Variants in WRN observed in about 807,000 individuals in gnomAD.
WRN encodes WRN RecQ like helicase, also known as bifunctional 3'-5' exonuclease/ATP-dependent helicase WRN.
WRN carries 149 observed loss-of-function variants against 180.7 expected under a neutral mutation model. The ratio of observed to expected loss-of-function variants is 0.82; its 90% CI spans 0.72 to 0.94. The LOEUF (loss-of-function observed/expected upper bound fraction) is 0.94, where lower values mean the gene tolerates loss of function less well. Ranked by LOEUF, WRN falls within the 40% of genes least tolerant of loss-of-function variation. The probability of loss-of-function intolerance (pLI) is 0.00; values close to 1 mark genes in which losing one functional copy is unlikely to be tolerated. For synonymous variants in WRN, 548 were observed against 568.9 expected, an observed-to-expected ratio of 0.96 and a Z score of 0.52; for missense variants, 1,661 against 1,700.1, an observed-to-expected ratio of 0.98 and a Z score of 0.40.
At chr8:31,088,778 C>T in intron 12 of WRN, 112 bp from the exon 13 acceptor site, 4 of 868,708 alleles carry the variant, frequency 4.6e-6, no homozygotes, top group Non-Finnish European at 1.9e-6. Context: ...AACATTAACC[C>T]ATGGTAGCTG....
rs1294260404 is a variant in WRN at position 31,111,750 on chromosome 8, A to C, written c.2224A>C (p.Lys742Gln). 17 of 1,614,042 alleles carry C rather than the reference A, an allele frequency of 1.1e-5. No homozygotes were observed. Among genetic ancestry groups the C allele is most frequent in the African/African-American group, 1.3e-5 (1 of 74,950 alleles). ...AAACCTGTATTTAGAAGTTAGGCGA[A>C]AAACAGGGAATATCCTTCAGGATCT... ...RPNLYLEVRR[K>Q]TGNILQDLQP... The change falls in exon 19 of 35, where the codon AAA (lysine) becomes CAA (glutamine). Residue 742 changes from lysine (K) to glutamine (Q), a missense_variant. Physicochemically the swap from Lys to Gln is moderately conservative, Grantham distance 53. Coordinates refer to ENST00000298139, the MANE Select transcript of WRN (RefSeq NM_000553.6).
At chr8:31,035,085 C>T (rs939329413) in intron 1 of WRN, among the ~76,000 whole-genome samples, 1 of 152,068 alleles carries the variant, frequency 6.6e-6, no homozygotes, top group African/African-American at 2.4e-5. Flanking sequence ...CAGTGGTCTC[C>T]CTTTATTAAT....
rs542766729 is a variant in WRN, at chr8:31,047,427, C to T, written c.-76-10945C>T. Among the ~76,000 whole-genome samples the T allele has an allele frequency of 5.9e-5, 9 of 152,264 alleles. No homozygotes were observed. The East Asian group carries it at 1.2e-3, about 20-fold the overall frequency. On this transcript the variant is annotated intron_variant, in intron 1 of 34. Transcript: ENST00000298139. The stretch of plus-strand genomic sequence containing the variant: ...GCTGGCACGTACCACTACATCCAGC[C>T]AGGGCTGAGTTTCTGAATCATCATT...
Position 31,059,155 on chromosome 8 carries a change from A to T in WRN, c.99A>T (p.Ala33=), listed in dbSNP as rs753114305. The T allele has an allele frequency of 2.5e-6, 4 of 1,612,572 alleles. No individual in the cohort carries two copies. The highest frequency in any genetic ancestry group is 3.4e-6 in the Non-Finnish European group (4 of 1,178,796). ...NKRCAVEERK[A]CVRKSVFEDD... ...TTTTGAAATTTACTAAACTCAAGGC[A>T]TGTGTTCGGAAGAGTGTTTTTGAAG... Residue 33 remains alanine (A), a splice_region_variant and synonymous_variant, in exon 3 of 35, where the codon GCA becomes GCT. Coordinates refer to ENST00000298139, the MANE Select transcript of WRN (RefSeq NM_000553.6).
intron 19 of WRN, among the ~76,000 whole-genome samples, chr8:31,113,714 T>C (rs952503671): frequency 1.3e-5 from 2 of 152,216 alleles, no homozygotes; most frequent in Non-Finnish European, 2.9e-5. Flanking sequence ...TTTTCTGACG[T>C]CCTGGTCCTC....
chr8:31,080,101 G>A (rs781440847), intron 8 of WRN, among the ~76,000 whole-genome samples: 2 of 152,078 alleles, frequency 1.3e-5, no homozygotes, highest in Non-Finnish European at 2.9e-5. Flanking sequence ...GGCTGGTCTG[G>A]AACTTCAGAC....
At chr8:31,125,971 AATAT>A (rs55952524) in intron 23 of WRN, among the ~76,000 whole-genome samples, 22,800 of 145,100 alleles carry the variant, frequency 0.16, 1,957 homozygotes, top group African/African-American at 0.19. Flanking sequence ...CATCATCCTA[AATAT>A]ATATATATAT....
chr8:31,085,324 T>C, intron 11 of WRN, 78 bp downstream of exon 11: 1 of 1,476,654 alleles, frequency 6.8e-7, no homozygotes, highest in Non-Finnish European at 9.4e-7. Context: ...TAACTAATTC[T>C]AAACCAGGTT....
intron 1 of WRN, among the ~76,000 whole-genome samples, chr8:31,052,359 AAC>A (rs1321625163): frequency 6.8e-6 from 1 of 147,292 alleles, no homozygotes; most frequent in Non-Finnish European, 1.5e-5. Context: ...CTTACACACA[AAC>A]ACACACGCGT....
chr8:31,157,679 A>G (rs1803442651), intron 33 of WRN, 149 bp downstream of exon 33: 3 of 1,273,022 alleles, frequency 2.4e-6, no homozygotes, highest in South Asian at 1.3e-5. Flanking sequence ...TAGGAAAACA[A>G]TCTTTCTTCC....
chr8:31,141,010 C>T (rs1185959711), intron 24 of WRN, among the ~76,000 whole-genome samples: 4 of 152,138 alleles, frequency 2.6e-5, no homozygotes, highest in Non-Finnish European at 5.9e-5. Context: ...CTGCCTTGGC[C>T]TCCCAAAGTG....
At chr8:31,037,224 A>G (rs1317405887) in intron 1 of WRN, among the ~76,000 whole-genome samples, 1 of 152,262 alleles carries the variant, frequency 6.6e-6, no homozygotes, top group Non-Finnish European at 1.5e-5. Context: ...AGGAGCATAC[A>G]ACCTAGATCC....
intron 33 of WRN, among the ~76,000 whole-genome samples, chr8:31,160,174 C>CAA (rs1335212888): frequency 6.6e-6 from 1 of 152,172 alleles, no homozygotes; most frequent in Non-Finnish European, 1.5e-5. Context: ...GCTTCTATAT[C>CAA]ACTTCCTAGC....
intron 3 of WRN, among the ~76,000 whole-genome samples, chr8:31,063,075 C>T (rs1196368371): frequency 1.3e-5 from 2 of 152,262 alleles, no homozygotes; most frequent in Non-Finnish European, 2.9e-5. Context: ...TTCTAGTGAT[C>T]CTCCTGCCTT....
intron 33 of WRN, among the ~76,000 whole-genome samples, chr8:31,158,301 G>T (rs35997854): frequency 0.038 from 5,853 of 152,198 alleles, 369 homozygotes; most frequent in African/African-American, 0.13. Flanking sequence ...CAAGTTCTGT[G>T]GGCCGCTACG....
chr8:31,152,149 C>G (rs1445077394), intron 31 of WRN, among the ~76,000 whole-genome samples: 3 of 151,838 alleles, frequency 2.0e-5, no homozygotes, highest in Non-Finnish European at 4.4e-5. Context: ...AAATAATACT[C>G]TTAGGAAGGT....
In WRN at chr8:31,141,672, T is replaced by C. The variant is rs377226126; in HGVS notation, c.3139-9T>C. ...CTCCACATTAAAAGATCCTTTTTGC[T>C]TTTAATAGGGTAGAAATTGGCTTCA... On this transcript the variant is annotated splice_polypyrimidine_tract_variant and intron_variant, in intron 25 of 34. Transcript: ENST00000298139. 182 of 1,614,068 alleles carry C rather than the reference T, an allele frequency of 1.1e-4. No individual in the cohort carries two copies. The highest frequency in any genetic ancestry group is 4.3e-4 in the Admixed American group (26 of 60,002).
intron 23 of WRN, among the ~76,000 whole-genome samples, chr8:31,131,122 T>G (rs1802147371): frequency 6.6e-6 from 1 of 151,086 alleles, no homozygotes; most frequent in African/African-American, 2.4e-5. Context: ...TAGAGAAAAC[T>G]ATGTAGTCAG....
chr8:31,116,440 T>C lies in WRN; in HGVS notation c.2360T>C (p.Leu787Pro), dbSNP rs1420748565. 11 of 1,613,956 alleles carry C rather than the reference T, an allele frequency of 6.8e-6. No individual in the cohort carries two copies. The highest frequency in any genetic ancestry group is 8.5e-6 in the Non-Finnish European group (10 of 1,179,968). Residue 787 changes from leucine (L) to proline (P), a missense_variant, in exon 20 of 35, where the codon CTG becomes CCG. Coordinates refer to ENST00000298139, the MANE Select transcript of WRN (RefSeq NM_000553.6). ...TQQVTGELRK[L>P]NLSCGTYHAG... The stretch of plus-strand genomic sequence containing the variant: ...CAAGTTACAGGTGAACTTAGGAAAC[T>C]GAATCTATCCTGTGGAACATACCAT...
Sources: gnomAD v4.1 joint callset for allele counts (sites outside exome capture counted in the v4.1 genomes callset) on GRCh38, gnomAD v4.1.1 for gene constraint, MANE v1.5 for transcripts, NCBI Gene and HGNC (gene_info 2026-07-23, HGNC 2026-07-21) for gene names.